Variants in ZC3H3 observed in about 807,000 individuals in gnomAD.
ZC3H3 encodes the protein zinc finger CCCH domain-containing protein 3.
ZC3H3 carries 36 observed loss-of-function variants against 77.3 expected under a neutral mutation model. The ratio of observed to expected loss-of-function variants is 0.47; its 90% CI spans 0.36 to 0.61. The LOEUF (loss-of-function observed/expected upper bound fraction) is 0.61. ZC3H3 is among the 20% of genes least tolerant of loss of function. ZC3H3 has a pLI of 0.00. For synonymous variants in ZC3H3, 626 were observed against 555.2 expected (o/e 1.13, Z -1.79); for missense variants, 1,331 against 1,312.2 (o/e 1.01, Z -0.22).
rs34690750 is a variant in ZC3H3 at position 143,536,195 on chromosome 8, C to T, written c.1561+62G>A. On this transcript the variant is annotated intron_variant, in intron 3 of 11. Transcript: ENST00000262577. ...GGGAAGGTGCCCATGGCTCCTAACA[C>T]GCCAGCATATCCCATCAGGCAGGCC... 1.6e-3 allele frequency: 2,402 copies of T among 1,537,786 alleles called. 23 individuals carry two copies. In the African/African-American group the frequency reaches 0.029, roughly 19 times the overall value.
At chr8:143,503,031 T>C (rs1488334863) in intron 4 of ZC3H3, among the ~76,000 whole-genome samples, 1 of 152,178 alleles carries the variant, frequency 6.6e-6, no homozygotes, top group Non-Finnish European at 1.5e-5. Flanking sequence ...CCCCGTCCTG[T>C]GTATTTGGCA....
intron 1 of ZC3H3, 25 bp downstream of exon 1, chr8:143,541,351 G>A: frequency 6.2e-6 from 10 of 1,605,830 alleles, no homozygotes; most frequent in Non-Finnish European, 8.5e-6. Context: ...AAGGGGACTC[G>A]CGTCCCGGCC....
intron 4 of ZC3H3, among the ~76,000 whole-genome samples, chr8:143,481,948 T>G (rs1213336050): frequency 1.3e-5 from 2 of 152,242 alleles, no homozygotes; most frequent in Non-Finnish European, 2.9e-5. Flanking sequence ...CTGAGCCAGC[T>G]GGGTCTCCGC....
At chr8:143,505,467 T>C (rs1586934281) in intron 4 of ZC3H3, among the ~76,000 whole-genome samples, 1 of 152,116 alleles carries the variant, frequency 6.6e-6, no homozygotes, top group Non-Finnish European at 1.5e-5. Flanking sequence ...GGGACGCAGG[T>C]GGCAGGTGAC....
intron 9 of ZC3H3, among the ~76,000 whole-genome samples, chr8:143,454,917 T>C (rs565666729): frequency 3.9e-5 from 6 of 151,948 alleles, no homozygotes; most frequent in African/African-American, 1.4e-4. Context: ...CTTATTTTCA[T>C]AAAAAATGGC....
chr8:143,526,022 G>A (rs2130480968), intron 3 of ZC3H3, among the ~76,000 whole-genome samples: 1 of 152,316 alleles, frequency 6.6e-6, no homozygotes, highest in East Asian at 1.9e-4. Context: ...CTGACGATGT[G>A]GGGGGCCTGG....
intron 4 of ZC3H3, among the ~76,000 whole-genome samples, chr8:143,499,767 C>T (rs1821468829): frequency 6.6e-6 from 1 of 152,154 alleles, no homozygotes; most frequent in Non-Finnish European, 1.5e-5. Flanking sequence ...AAGCTAGACA[C>T]GGGCAGACAC....
At chr8:143,486,176 G>A (rs373551155) in intron 4 of ZC3H3, among the ~76,000 whole-genome samples, 1 of 152,376 alleles carries the variant, frequency 6.6e-6, no homozygotes, top group African/African-American at 2.4e-5. Flanking sequence ...CACACATGGC[G>A]TATCCATATC....
chr8:143,507,656 C>G, intron 4 of ZC3H3, 90 bp downstream of exon 4: 1 of 1,365,758 alleles, frequency 7.3e-7, no homozygotes, highest in Non-Finnish European at 9.5e-7. Context: ...TCAGCTCCCC[C>G]TGGCCCTTGG....
chr8:143,488,755 A>T (rs1821115327), intron 4 of ZC3H3, among the ~76,000 whole-genome samples: 1 of 152,264 alleles, frequency 6.6e-6, no homozygotes, highest in African/African-American at 2.4e-5. Flanking sequence ...ACAGAAAAGT[A>T]AAAACTTCTG....
intron 3 of ZC3H3, among the ~76,000 whole-genome samples, chr8:143,515,555 GAT>G (rs1822012290): frequency 6.6e-6 from 1 of 152,250 alleles, no homozygotes; most frequent in South Asian, 2.1e-4. Flanking sequence ...TGGAGGGAAA[GAT>G]TCGGGTAGGG....
In ZC3H3 at chr8:143,530,485, C is replaced by T. The variant is rs1009312457; in HGVS notation, c.1561+5772G>A. 5.3e-5 allele frequency among the ~76,000 whole-genome samples: 8 copies of T among 152,146 alleles called. No individual in the cohort carries two copies. Among genetic ancestry groups the T allele is most frequent in the Non-Finnish European group, 1.0e-4 (7 of 67,998 alleles). On this transcript the variant is annotated intron_variant, in intron 3 of 11. Coordinates refer to ENST00000262577, the MANE Select transcript of ZC3H3 (RefSeq NM_015117.3). The surrounding 1 kb of genome is among the most constrained non-coding windows in gnomAD (Gnocchi z 4.3). ...ATGTGGCTGGTAGGAATCCCATCACCTCCCGCCACCAAGAAGCTCCCCAGC... is the reference window on the plus strand; with the variant it reads ...ATGTGGCTGGTAGGAATCCCATCACTTCCCGCCACCAAGAAGCTCCCCAGC...
At chr8:143,511,834 G>A (rs1429560496) in intron 3 of ZC3H3, among the ~76,000 whole-genome samples, 1 of 152,248 alleles carries the variant, frequency 6.6e-6, no homozygotes, top group Non-Finnish European at 1.5e-5. Flanking sequence ...TCACTGCTGG[G>A]CTGCCAGCCC....
At position 143,533,082 on chromosome 8, in the gene ZC3H3, A is replaced by G. The variant is rs1347512901; in HGVS notation, c.1561+3175T>C. On this transcript the variant is annotated intron_variant, in intron 3 of 11. Coordinates refer to ENST00000262577, the MANE Select transcript of ZC3H3 (RefSeq NM_015117.3). The surrounding 1 kb of genome is among the most constrained non-coding windows in gnomAD (Gnocchi z 4.0). The stretch of plus-strand genomic sequence containing the variant: ...TGCCAGACACCCCGGGGCCCTGGAC[A>G]CGCCCCTCCCAGGGTCCTCCCCTGT... Among the ~76,000 whole-genome samples, 5 of 151,974 alleles carry G rather than the reference A, an allele frequency of 3.3e-5. No individual in the cohort carries two copies. Among genetic ancestry groups the G allele is most frequent in the Non-Finnish European group, 7.4e-5 (5 of 67,976 alleles).
intron 4 of ZC3H3, among the ~76,000 whole-genome samples, chr8:143,492,475 C>T (rs1227533270): frequency 1.3e-5 from 2 of 152,208 alleles, no homozygotes; most frequent in African/African-American, 4.8e-5. Context: ...CCATCCTGAA[C>T]TGCCTGCCAA....
At chr8:143,485,927 C>A (rs942777261) in intron 4 of ZC3H3, among the ~76,000 whole-genome samples, 3 of 152,262 alleles carry the variant, frequency 2.0e-5, no homozygotes, top group African/African-American at 7.2e-5. Context: ...GAACAGGAGA[C>A]ACGGGCCTGA....
chr8:143,529,148 C>A (rs1420774146), intron 3 of ZC3H3, among the ~76,000 whole-genome samples: 1 of 152,152 alleles, frequency 6.6e-6, no homozygotes, highest in Non-Finnish European at 1.5e-5. Flanking sequence ...CTGGTTGGAG[C>A]AAGCCGGGCC....
Position 143,530,140 on chromosome 8 carries a change from G to A in ZC3H3, c.1561+6117C>T, listed in dbSNP as rs1376980891. On this transcript the variant is annotated intron_variant, in intron 3 of 11. Transcript: ENST00000262577. This position sits in a 1 kb window ranked among gnomAD's most constrained non-coding sequence, Gnocchi z 4.3. Reference sequence around the variant, plus strand: ...GGCTCCTGTCAAAGCCTGGGCAGCCGGCAGGCCTCGACCCAGCCTGGTTGT... The same window carrying A: ...GGCTCCTGTCAAAGCCTGGGCAGCCAGCAGGCCTCGACCCAGCCTGGTTGT... Among the ~76,000 whole-genome samples the A allele has an allele frequency of 1.3e-5, 2 of 152,174 alleles. No individual in the cohort carries two copies. Among genetic ancestry groups the A allele is most frequent in the African/African-American group, 4.8e-5 (2 of 41,430 alleles).
chr8:143,442,165 C>A (rs1819758808), intron 9 of ZC3H3, among the ~76,000 whole-genome samples: 1 of 152,086 alleles, frequency 6.6e-6, no homozygotes, highest in Non-Finnish European at 1.5e-5. Flanking sequence ...CCGGGCCCTA[C>A]ACTGTACCCC....
Sources: allele counts gnomAD v4.1 joint callset (sites outside exome capture counted in the v4.1 genomes callset), GRCh38; gene constraint gnomAD v4.1.1; non-coding constraint Gnocchi (gnomAD v3.1); transcripts MANE v1.5; gene names NCBI Gene and HGNC (gene_info 2026-07-23, HGNC 2026-07-21).